Variants in FHAD1 observed in about 807,000 individuals in gnomAD.
FHAD1 encodes the protein forkhead-associated domain-containing protein 1.
A neutral mutation model predicts 191.3 loss-of-function variants in FHAD1; 146 were observed. The ratio of observed to expected loss-of-function variants is 0.76; its 90% CI spans 0.67 to 0.88. The LOEUF (loss-of-function observed/expected upper bound fraction) is 0.88. FHAD1 is among the 40% of genes least tolerant of loss of function. The probability of loss-of-function intolerance (pLI) is 0.00; values close to 1 mark genes in which losing one functional copy is unlikely to be tolerated. For missense variants in FHAD1, 1,635 were observed against 1,785.8 expected, an observed-to-expected ratio of 0.92 and a Z score of 1.52; for synonymous variants, 616 against 672.3, an observed-to-expected ratio of 0.92 and a Z score of 1.29.
At chr1:15,361,317 C>T (rs1305927430) in intron 22 of FHAD1, among the ~76,000 whole-genome samples, 2 of 152,188 alleles carry the variant, frequency 1.3e-5, no homozygotes. Context: ...TGGGCACTAT[C>T]AGGTGTTAGC....
intron 1 of FHAD1, among the ~76,000 whole-genome samples, chr1:15,238,140 A>G (rs199519025): frequency 6.6e-6 from 1 of 150,712 alleles, no homozygotes. Flanking sequence ...CCAGCTACTC[A>G]GGAGGCTGAG....
chr1:15,245,881 C>A (rs1458643007), upstream of FHAD1, among the ~76,000 whole-genome samples: 1 of 152,214 alleles, frequency 6.6e-6, no homozygotes, highest in Non-Finnish European at 1.5e-5. Flanking sequence ...CCTCCAGGCA[C>A]GTTTGAGCAT....
Position 15,249,486 on chromosome 1 carries a change from T to C in FHAD1, c.-15+2091T>C, listed in dbSNP as rs139816998. 2.1e-3 allele frequency among the ~76,000 whole-genome samples: 321 copies of C among 152,318 alleles called. 2 individuals carry two copies. The highest frequency in any genetic ancestry group is 7.5e-3 in the African/African-American group (310 of 41,576). On this transcript the variant is annotated intron_variant, in intron 1 of 33. Coordinates refer to ENST00000688493, the MANE Select transcript of FHAD1 (RefSeq NM_001391957.1). ...CAGGCAATTTGAGGGCAACAGGGCA[T>C]GGTTCTTTTGGAAAAAGAAGTGTCT...
At chr1:15,368,596 T>C (rs2102798152) in intron 25 of FHAD1, among the ~76,000 whole-genome samples, 1 of 152,302 alleles carries the variant, frequency 6.6e-6, no homozygotes, top group East Asian at 1.9e-4. Context: ...CAAAGCAGAT[T>C]CACATAGTGG....
intron 32 of FHAD1, chr1:15,388,452 A>G: frequency 1.8e-6 from 2 of 1,130,524 alleles, no homozygotes; most frequent in South Asian, 1.7e-5. Flanking sequence ...ATTCCAGCAC[A>G]GCTTCAGCTC....
intron 33 of FHAD1, among the ~76,000 whole-genome samples, chr1:15,393,449 C>A (rs540750880): frequency 2.0e-5 from 3 of 151,896 alleles, no homozygotes; most frequent in East Asian, 3.9e-4. Context: ...CACACACACA[C>A]ACACACTGCT....
intron 2 of FHAD1, among the ~76,000 whole-genome samples, chr1:15,261,694 C>T (rs11801657): frequency 0.12 from 18,711 of 152,138 alleles, 2,627 homozygotes; most frequent in African/African-American, 0.34. Flanking sequence ...TGCTCCCAGA[C>T]TCACAGTCTT....
At chr1:15,245,277 G>T (rs183805106), upstream of FHAD1, among the ~76,000 whole-genome samples, 1 of 152,208 alleles carries the variant, frequency 6.6e-6, no homozygotes, top group Non-Finnish European at 1.5e-5. Context: ...GAGGGATAGA[G>T]TGTTGAGGTT....
At chr1:15,328,195 C>G in intron 12 of FHAD1, 82 bp from the exon 13 acceptor site, 13 of 1,183,212 alleles carry the variant, frequency 1.1e-5, no homozygotes, top group Non-Finnish European at 1.5e-5. Flanking sequence ...TCTCTCCCCT[C>G]TCCCATTCCC....
At chr1:15,332,517 G>A (rs1184307210) in intron 14 of FHAD1, among the ~76,000 whole-genome samples, 1 of 152,006 alleles carries the variant, frequency 6.6e-6, no homozygotes, top group Non-Finnish European at 1.5e-5. Flanking sequence ...AGACCAACCT[G>A]GGCAACATCG....
chr1:15,310,102 A>G (rs913312012), intron 7 of FHAD1, among the ~76,000 whole-genome samples: 2 of 152,212 alleles, frequency 1.3e-5, no homozygotes, highest in Non-Finnish European at 2.9e-5. Context: ...TGATAGGGCC[A>G]TGGACAGAGA....
intron 3 of FHAD1, among the ~76,000 whole-genome samples, chr1:15,275,902 T>C (rs778362784): frequency 1.2e-4 from 18 of 152,206 alleles, no homozygotes; most frequent in Non-Finnish European, 2.5e-4. Context: ...TTAGCTGTTC[T>C]TTTCCCAAGA....
chr1:15,328,597 G>A, intron 13 of FHAD1, 168 bp downstream of exon 13: 1 of 580,046 alleles, frequency 1.7e-6, no homozygotes, highest in Non-Finnish European at 2.7e-6. Flanking sequence ...AAAACAAAGG[G>A]CCTAAAAAAA....
downstream of FHAD1, chr1:15,399,988 G>C (rs2103253646): frequency 6.6e-6 from 1 of 152,326 alleles, no homozygotes; most frequent in Non-Finnish European, 1.5e-5. Flanking sequence ...TCTGGCTAAT[G>C]ACATATAAGG....
At chr1:15,371,331 A>G (rs1698023650) in intron 26 of FHAD1, among the ~76,000 whole-genome samples, 1 of 152,086 alleles carries the variant, frequency 6.6e-6, no homozygotes, top group Admixed American at 6.5e-5. Context: ...TTTTTAGTTT[A>G]TATTATGTGG....
chr1:15,360,759 C>A, intron 22 of FHAD1, 56 bp downstream of exon 22: 1 of 1,412,096 alleles, frequency 7.1e-7, no homozygotes, highest in Non-Finnish European at 9.8e-7. Flanking sequence ...TTCTGATTGT[C>A]CGCTGGGTCC....
chr1:15,308,440 T>C (rs1243596837), intron 6 of FHAD1, among the ~76,000 whole-genome samples, 173 bp from the exon 7 acceptor site: 1 of 152,214 alleles, frequency 6.6e-6, no homozygotes, highest in African/African-American at 2.4e-5. Context: ...TGGTGGTCCT[T>C]GAAGGAACAG....
At chr1:15,243,317 T>C (rs1645612477), upstream of FHAD1, among the ~76,000 whole-genome samples, 2 of 152,214 alleles carry the variant, frequency 1.3e-5, no homozygotes. Flanking sequence ...GTCAGGTTAC[T>C]AATGGGCCGT....
chr1:15,365,109 A>G (rs1257394629), intron 23 of FHAD1, among the ~76,000 whole-genome samples: 1 of 152,218 alleles, frequency 6.6e-6, no homozygotes, highest in Non-Finnish European at 1.5e-5. Context: ...GGGGCTGCTG[A>G]GAGAACAAAG....
Sources: allele counts gnomAD v4.1 joint callset (sites outside exome capture counted in the v4.1 genomes callset), GRCh38; gene constraint gnomAD v4.1.1; transcripts MANE v1.5; gene names NCBI Gene and HGNC (gene_info 2026-07-23, HGNC 2026-07-21).